Variants in AGBL4 observed in about 807,000 individuals in gnomAD.
The protein encoded by AGBL4 is AGBL carboxypeptidase 4, also known as cytosolic carboxypeptidase 6.
AGBL4 carries 58 observed loss-of-function variants against 66.4 expected under a neutral mutation model. The ratio of observed to expected loss-of-function variants is 0.87; its 90% CI spans 0.71 to 1.09. The LOEUF (loss-of-function observed/expected upper bound fraction) is 1.09. Ranked by LOEUF, AGBL4 falls within the 50% of genes least tolerant of loss-of-function variation. The pLI, the probability that AGBL4 is intolerant of heterozygous loss-of-function variation, is 0.00. For missense variants in AGBL4, 579 were observed against 631.0 expected, an observed-to-expected ratio of 0.92 and a Z score of 0.88; for synonymous variants, 234 against 222.9, an observed-to-expected ratio of 1.05 and a Z score of -0.44.
intron 3 of AGBL4, among the ~76,000 whole-genome samples, chr1:49,559,845 C>G (rs1198432933): frequency 6.6e-6 from 1 of 152,072 alleles, no homozygotes; most frequent in African/African-American, 2.4e-5. Context: ...TGCAGACAGC[C>G]TATTGGGAAA....
chr1:49,442,319 G>A (rs1157288321), intron 3 of AGBL4, among the ~76,000 whole-genome samples: 1 of 152,164 alleles, frequency 6.6e-6, no homozygotes, highest in African/African-American at 2.4e-5. Flanking sequence ...GAGTAGCTGG[G>A]AGTTGAAAGT....
chr1:49,583,311 T>C (rs1349415004), intron 3 of AGBL4, among the ~76,000 whole-genome samples: 2 of 152,200 alleles, frequency 1.3e-5, no homozygotes, highest in Non-Finnish European at 2.9e-5. Flanking sequence ...CAGAAGCTTT[T>C]GTGCTCAGGA....
At chr1:49,199,297 T>C (rs1647495017) in intron 4 of AGBL4, among the ~76,000 whole-genome samples, 1 of 152,208 alleles carries the variant, frequency 6.6e-6, no homozygotes, top group Admixed American at 6.5e-5. Flanking sequence ...TGCTATATTA[T>C]CAGCAGCAAG....
chr1:48,714,185 T>C (rs1385156), intron 6 of AGBL4, among the ~76,000 whole-genome samples: 146,227 of 152,240 alleles, frequency 0.96, 70,474 homozygotes, highest in East Asian at 1. Flanking sequence ...CTGCCAACTG[T>C]ATTTCTAGGG....
At chr1:49,659,057 C>T (rs1327913552) in intron 3 of AGBL4, among the ~76,000 whole-genome samples, 1 of 151,714 alleles carries the variant, frequency 6.6e-6, no homozygotes, top group Non-Finnish European at 1.5e-5. Context: ...GTATATCCAA[C>T]AAAACTAGCT....
chr1:49,235,324 T>G (rs1302370650), intron 4 of AGBL4, among the ~76,000 whole-genome samples: 1 of 152,222 alleles, frequency 6.6e-6, no homozygotes, highest in Non-Finnish European at 1.5e-5. Context: ...TAAGATTAAC[T>G]AATGGTAGCT....
At chr1:48,909,572 A>G (rs1652905937) in intron 5 of AGBL4, among the ~76,000 whole-genome samples, 1 of 152,228 alleles carries the variant, frequency 6.6e-6, no homozygotes, top group Non-Finnish European at 1.5e-5. Flanking sequence ...GTGAATTTGG[A>G]GCAAGCCCAT....
chr1:48,974,516 C>T (rs573218926), intron 5 of AGBL4, among the ~76,000 whole-genome samples: 29 of 152,182 alleles, frequency 1.9e-4, no homozygotes, highest in African/African-American at 6.5e-4. Flanking sequence ...ATGAGAAATG[C>T]CACATCCTAA....
chr1:49,367,128 A>T (rs1177544312), intron 3 of AGBL4, among the ~76,000 whole-genome samples: 1 of 152,134 alleles, frequency 6.6e-6, no homozygotes, highest in Non-Finnish European at 1.5e-5. Flanking sequence ...CAAAGAAACA[A>T]ACAAAAAGCA....
chr1:49,740,684 A>G (rs1321147855), intron 2 of AGBL4, among the ~76,000 whole-genome samples: 1 of 152,198 alleles, frequency 6.6e-6, no homozygotes, highest in Admixed American at 6.5e-5. Flanking sequence ...AAATAACAGA[A>G]ATTATAACAA....
chr1:49,700,377 G>C (rs1397441067), intron 2 of AGBL4, among the ~76,000 whole-genome samples: 1 of 150,970 alleles, frequency 6.6e-6, no homozygotes, highest in Non-Finnish European at 1.5e-5. Flanking sequence ...AGTAAAATTT[G>C]ACAAAATTAA....
intron 3 of AGBL4, among the ~76,000 whole-genome samples, chr1:49,279,306 T>C (rs143040594): frequency 4.3e-4 from 65 of 152,288 alleles, no homozygotes; most frequent in African/African-American, 1.5e-3. Context: ...GTTAAATTAC[T>C]CCAAGGATTA....
intron 2 of AGBL4, among the ~76,000 whole-genome samples, chr1:49,772,265 TC>T (rs1397334518): frequency 6.6e-6 from 1 of 152,146 alleles, no homozygotes; most frequent in Non-Finnish European, 1.5e-5. Flanking sequence ...GACTTTTTTC[TC>T]CCCTCATACT....
chr1:49,915,959 T>A (rs1008034385), intron 1 of AGBL4, among the ~76,000 whole-genome samples: 2 of 152,148 alleles, frequency 1.3e-5, no homozygotes, highest in Admixed American at 1.3e-4. Flanking sequence ...CCGCTGCTGA[T>A]ACCCAGGCAA....
At chr1:49,735,924 AC>A (rs1196766623) in intron 2 of AGBL4, among the ~76,000 whole-genome samples, 1 of 152,126 alleles carries the variant, frequency 6.6e-6, no homozygotes, top group Non-Finnish European at 1.5e-5. Context: ...GAAAGTATCA[AC>A]AGCAAGCCAG....
At chr1:48,659,044 C>A (rs1458635079) in intron 7 of AGBL4, among the ~76,000 whole-genome samples, 1 of 152,124 alleles carries the variant, frequency 6.6e-6, no homozygotes, top group East Asian at 1.9e-4. Flanking sequence ...CCCACTCCAC[C>A]ACCAACTTAC....
intron 2 of AGBL4, among the ~76,000 whole-genome samples, chr1:49,756,564 C>A (rs1651901390): frequency 6.6e-6 from 1 of 152,158 alleles, no homozygotes; most frequent in Admixed American, 6.5e-5. Flanking sequence ...TTGGCTATAT[C>A]CCCACCCAAA....
intron 2 of AGBL4, among the ~76,000 whole-genome samples, chr1:49,700,390 CAT>C (rs1462301565): frequency 6.6e-6 from 1 of 151,518 alleles, no homozygotes; most frequent in East Asian, 1.9e-4. Context: ...AAAATTAAAA[CAT>C]AGATTAATCT....
intron 3 of AGBL4, among the ~76,000 whole-genome samples, chr1:49,345,597 C>A (rs1456466635): frequency 6.6e-6 from 1 of 152,044 alleles, no homozygotes; most frequent in Non-Finnish European, 1.5e-5. Flanking sequence ...CTGAAATAAT[C>A]TTTTGATGAC....
Sources: gnomAD v4.1 joint callset for allele counts (sites outside exome capture counted in the v4.1 genomes callset) on GRCh38, gnomAD v4.1.1 for gene constraint, MANE v1.5 for transcripts, NCBI Gene and HGNC (gene_info 2026-07-23, HGNC 2026-07-21) for gene names.